Variants in KLHL10 observed in about 807,000 individuals in gnomAD.
KLHL10 encodes kelch-like protein 10.
Under a neutral mutation model 46.6 loss-of-function variants are expected in KLHL10, and 11 were observed. The observed-to-expected ratio is 0.24, with a 90% CI of 0.15 to 0.39. The LOEUF is 0.39. Ranked by LOEUF, KLHL10 falls within the 10% of genes least tolerant of loss-of-function variation. The pLI, the probability that KLHL10 is intolerant of heterozygous loss-of-function variation, is 1.00. For synonymous variants in KLHL10, 254 were observed against 279.1 expected, an observed-to-expected ratio of 0.91 and a Z score of 0.90; for missense variants, 475 against 789.8, an observed-to-expected ratio of 0.60 and a Z score of 4.78.
At chr17:41,841,565 G>A (rs1324440053) in intron 1 of KLHL10, among the ~76,000 whole-genome samples, 4 of 152,098 alleles carry the variant, frequency 2.6e-5, no homozygotes, top group South Asian at 2.1e-4. Flanking sequence ...CACCCGCTTC[G>A]GCCTCCCAAA....
At chr17:41,838,846 G>A (rs1168228668) in intron 1 of KLHL10, among the ~76,000 whole-genome samples, 3 of 151,368 alleles carry the variant, frequency 2.0e-5, no homozygotes, top group Non-Finnish European at 2.9e-5. Context: ...CTGACACCAC[G>A]CCCGGCTAAT....
Position 41,848,294 on chromosome 17 carries a change from C to T in KLHL10, c.1814C>T (p.Thr605Ile). Reference protein sequence around the residue: ...DEVKYSASTSTLPV With the variant: ...DEVKYSASTSILPV ...GTAAAATATTCTGCTTCGACAAGTA[C>T]CCTACCTGTATGAGCCTCTTCATTT... Residue 605 changes from threonine (T) to isoleucine (I), a missense_variant, in exon 5 of 5, where the codon ACC becomes ATC. Physicochemically the swap from Thr to Ile is moderately conservative, Grantham distance 89 (BLOSUM62 -1). Transcript: ENST00000293303. 5.6e-6 allele frequency: 9 copies of T among 1,610,196 alleles called. No homozygotes were observed. The highest frequency in any genetic ancestry group is 7.6e-6 in the Non-Finnish European group (9 of 1,179,898).
chr17:41,847,648 G>A (rs538618945), intron 4 of KLHL10, among the ~76,000 whole-genome samples: 66 of 152,094 alleles, frequency 4.3e-4, no homozygotes, highest in East Asian at 2.3e-3. Flanking sequence ...TGGGACTACC[G>A]GCACCCGCCA....
At position 41,842,308 on chromosome 17, in the gene KLHL10, C is replaced by T. The variant is rs1555620839; in HGVS notation, c.680C>T (p.Pro227Leu). ...NRKQHISILL[P>L]KVRLALMHAE... is the part of the protein sequence containing the mutation. ...AAGCAGCACATTTCAATTTTGCTTC[C>T]TAAGGTCAGTGTTCACTCTTGATTC... The change falls in exon 2 of 5, where the codon CCT becomes CTT. Residue 227 changes from proline (P) to leucine (L), a missense_variant. Coordinates refer to ENST00000293303, the MANE Select transcript of KLHL10 (RefSeq NM_152467.5). 1.2e-6 allele frequency: 2 copies of T among 1,613,734 alleles called. No homozygotes were observed. Among genetic ancestry groups the T allele is most frequent in the Non-Finnish European group, 1.7e-6 (2 of 1,180,002 alleles).
chr17:41,847,860 C>A (rs2048306076), intron 4 of KLHL10, 73 bp from the exon 5 acceptor site: 17 of 1,583,524 alleles, frequency 1.1e-5, no homozygotes, highest in Non-Finnish European at 1.5e-5. Context: ...ATCACTGGTA[C>A]CCCCAACAAG....
upstream of KLHL10, chr17:41,837,536 G>T (rs1412191629): frequency 9.7e-7 from 1 of 1,035,714 alleles, no homozygotes; most frequent in Non-Finnish European, 1.2e-6. Flanking sequence ...AGGGAGCCAA[G>T]TGTTGGGCTG....
Position 41,838,134 on chromosome 17 carries a change from A to G in KLHL10, c.194+8A>G, listed in dbSNP as rs529565230. 3 of 1,612,980 alleles carry G rather than the reference A, an allele frequency of 1.9e-6. No homozygotes were observed. In the Admixed American group the frequency reaches 5.0e-5, roughly 27 times the overall value. ...CTGCAGTTCCTACTTTAGGTATAAC[A>G]GGGTTGCCAAATTCAGCCAAAGGGG... On this transcript the variant is annotated splice_region_variant and intron_variant, in intron 1 of 4. Transcript: ENST00000293303.
At position 41,847,438 on chromosome 17, in the gene KLHL10, C is replaced by CAAAAA. The variant is rs1342490683; in HGVS notation, c.1452+30_1452+34dup. 5 of 1,609,150 alleles carry CAAAAA rather than the reference C, an allele frequency of 3.1e-6. No individual in the cohort carries two copies. In the East Asian group the frequency reaches 1.1e-4, roughly 36 times the overall value. ...AAGTTTATCTAGTACCACACACACA[C>CAAAAA]AAAAAACACATTACCCCTAGATTTT... is the stretch of plus-strand genomic sequence containing the variant. On this transcript the variant is annotated intron_variant, in intron 4 of 4. Transcript: ENST00000293303.
chr17:41,837,651 T>G (rs1555620255), upstream of KLHL10: 5 of 1,161,530 alleles, frequency 4.3e-6, no homozygotes, highest in Non-Finnish European at 4.5e-6. Context: ...GGTTCTGTTT[T>G]GGGTTCAAGG....
rs1555621290 is a variant in KLHL10 at position 41,845,613 on chromosome 17, T to C, written c.1172T>C (p.Met391Thr). 1 of 1,614,018 alleles carries C rather than the reference T, an allele frequency of 6.2e-7. No homozygotes were observed. The highest frequency in any genetic ancestry group is 1.7e-5 in the Admixed American group (1 of 60,002). Residue 391 changes from methionine (M) to threonine (T), a missense_variant, in exon 3 of 5, where the codon ATG (methionine) becomes ACG (threonine). Coordinates refer to ENST00000293303, the MANE Select transcript of KLHL10 (RefSeq NM_152467.5). ...GTCCTCGGCAATTTTATTTATGCCA[T>C]GGGAGGATTTGATGGCTACGTGCGT... ...VTVLGNFIYA[M>T]GGFDGYVRLN...
intron 1 of KLHL10, among the ~76,000 whole-genome samples, chr17:41,841,282 T>C (rs2048223657): frequency 6.6e-6 from 1 of 151,598 alleles, no homozygotes; most frequent in Non-Finnish European, 1.5e-5. Context: ...CCTGGGAAAA[T>C]AAGAAAAGGA....
At chr17:41,846,169 G>A (rs1400739935) in intron 3 of KLHL10, among the ~76,000 whole-genome samples, 1 of 150,974 alleles carries the variant, frequency 6.6e-6, no homozygotes, top group Non-Finnish European at 1.5e-5. Flanking sequence ...CCAAGATGGC[G>A]CCATTTCACT....
intron 1 of KLHL10, among the ~76,000 whole-genome samples, chr17:41,841,499 G>A (rs1252221957): frequency 2.0e-5 from 3 of 152,124 alleles, no homozygotes; most frequent in East Asian, 1.9e-4. Flanking sequence ...ATTTTTAGTA[G>A]AGACGGGGTT....
chr17:41,835,770 C>A, upstream of KLHL10: 2 of 1,290,620 alleles, frequency 1.5e-6, no homozygotes, highest in South Asian at 2.5e-5. Context: ...AGGAGGGGTC[C>A]GCGGCAGAGC....
chr17:41,835,821 C>T (rs782128086), upstream of KLHL10: 1 of 1,557,478 alleles, frequency 6.4e-7, no homozygotes. Flanking sequence ...TCTCCAGCCG[C>T]CCCCAGCCCG....
intron 1 of KLHL10, among the ~76,000 whole-genome samples, chr17:41,840,582 T>G (rs2048216670): frequency 6.7e-6 from 1 of 148,402 alleles, no homozygotes; most frequent in Non-Finnish European, 1.5e-5. Context: ...AGGCAGAGGT[T>G]GCACTGAGCC....
chr17:41,835,888 G>C (rs782400445), upstream of KLHL10: 29 of 1,609,130 alleles, frequency 1.8e-5, no homozygotes, highest in Admixed American at 4.9e-4. Context: ...CCCTTGCGGA[G>C]GGCGCCCACG....
chr17:41,847,139 TA>T lies in KLHL10; in HGVS notation c.1303-121del, dbSNP rs1245851108. On this transcript the variant is annotated intron_variant, in intron 3 of 4. Transcript: ENST00000293303. Reference sequence around the variant, plus strand: ...ATAAATAAAAAGCAATGCATGCACATACAAAAAAAAGAAATTCAGACTGTAC... The same window carrying T: ...ATAAATAAAAAGCAATGCATGCACATCAAAAAAAAGAAATTCAGACTGTAC... The T allele has an allele frequency of 1.6e-5, 14 of 871,986 alleles. No individual in the cohort carries two copies. In the Admixed American group the frequency reaches 1.8e-4, roughly 11 times the overall value. The allele number at this position is 871,986 out of a possible 1,614,324, so 54.0% of individuals were successfully genotyped here. A position where few individuals can be genotyped will look rare whatever the true frequency, so the allele number is the denominator to read the frequency against.
upstream of KLHL10, chr17:41,837,817 T>G: frequency 3.2e-6 from 5 of 1,556,052 alleles, no homozygotes; most frequent in Non-Finnish European, 4.3e-6. Flanking sequence ...GGTTGCCTGA[T>G]AGACCCTATA....
Sources: allele counts gnomAD v4.1 joint callset (sites outside exome capture counted in the v4.1 genomes callset), GRCh38; gene constraint gnomAD v4.1.1; transcripts MANE v1.5; gene names NCBI Gene and HGNC (gene_info 2026-07-23, HGNC 2026-07-21).